Variants in SLC4A10 observed in about 807,000 individuals in gnomAD.
SLC4A10 encodes sodium-driven chloride bicarbonate exchanger.
In SLC4A10, 42 loss-of-function variants were observed where a neutral mutation model predicts 137.7. The ratio of observed to expected loss-of-function variants is 0.30; its 90% CI spans 0.24 to 0.39. The LOEUF (loss-of-function observed/expected upper bound fraction) is 0.39. SLC4A10 is among the 10% of genes least tolerant of loss of function. The pLI is 1.00. For synonymous variants in SLC4A10, 474 were observed against 464.1 expected, an observed-to-expected ratio of 1.02 and a Z score of -0.27; for missense variants, 925 against 1,355.0, an observed-to-expected ratio of 0.68 and a Z score of 4.98.
chr2:161,946,202 A>T (rs75998758), intron 16 of SLC4A10, among the ~76,000 whole-genome samples: 8,284 of 152,054 alleles, frequency 0.054, 501 homozygotes, highest in East Asian at 0.29. Context: ...TTGGAATTTA[A>T]CTTTGCCTAT....
chr2:161,873,471 C>T (rs896783615), intron 7 of SLC4A10, among the ~76,000 whole-genome samples: 7 of 129,018 alleles, frequency 5.4e-5, no homozygotes, highest in African/African-American at 2.1e-4. Flanking sequence ...GCAGAGATTG[C>T]AGTGAGCTGA....
chr2:161,694,062 C>T (rs2042255353), intron 1 of SLC4A10, among the ~76,000 whole-genome samples: 1 of 152,000 alleles, frequency 6.6e-6, no homozygotes, highest in Non-Finnish European at 1.5e-5. Context: ...TTCCAGATTA[C>T]AGCCCCTTTT....
Position 161,955,200 on chromosome 2 carries a change from A to C in SLC4A10, c.2542-1789A>C, listed in dbSNP as rs73003577. 4.2e-3 allele frequency among the ~76,000 whole-genome samples: 647 copies of C among 152,270 alleles called. 9 individuals carry two copies. Among genetic ancestry groups the C allele is most frequent in the African/African-American group, 0.015 (622 of 41,546 alleles). Reference sequence around the variant, plus strand: ...CACTCCAGAGTTGCTAGGACAAAACACTTCTCAAACTGCTTAAGACATTGT... The same window carrying C: ...CACTCCAGAGTTGCTAGGACAAAACCCTTCTCAAACTGCTTAAGACATTGT... On this transcript the variant is annotated intron_variant, in intron 19 of 26. Transcript: ENST00000446997.
intron 1 of SLC4A10, among the ~76,000 whole-genome samples, chr2:161,665,373 G>A (rs1382134369): frequency 6.6e-6 from 1 of 151,796 alleles, no homozygotes; most frequent in Non-Finnish European, 1.5e-5. Flanking sequence ...GGAGCCTGCT[G>A]TGATGTTCTG....
At chr2:161,644,044 A>C (rs1354890187) in intron 1 of SLC4A10, among the ~76,000 whole-genome samples, 1 of 144,672 alleles carries the variant, frequency 6.9e-6, no homozygotes, top group African/African-American at 2.5e-5. Context: ...ATACAAAGTC[A>C]CTTCTTTCCT....
intron 1 of SLC4A10, among the ~76,000 whole-genome samples, chr2:161,712,501 G>A (rs1451843424): frequency 1.3e-5 from 2 of 151,670 alleles, no homozygotes; most frequent in Non-Finnish European, 2.9e-5. Flanking sequence ...AAATTTTACC[G>A]AAAGTCAAAC....
At chr2:161,753,853 G>C (rs940195024) in intron 1 of SLC4A10, among the ~76,000 whole-genome samples, 2 of 128,052 alleles carry the variant, frequency 1.6e-5, no homozygotes, top group East Asian at 4.6e-4. Context: ...TAAATAACTC[G>C]AGTTATTTAT....
chr2:161,835,333 G>A (rs763779820), intron 3 of SLC4A10, among the ~76,000 whole-genome samples: 18 of 152,174 alleles, frequency 1.2e-4, no homozygotes, highest in South Asian at 4.1e-4. Context: ...CACTGCGCCC[G>A]GCCAAGACTG....
chr2:161,894,859 A>AC (rs1559481220), intron 11 of SLC4A10, 34 bp downstream of exon 11: 1 of 1,288,322 alleles, frequency 7.8e-7, no homozygotes, highest in Non-Finnish European at 1.0e-6. Context: ...TTGAAATTGA[A>AC]TTTTTTTTTG....
chr2:161,667,088 G>C (rs1313050110), intron 1 of SLC4A10, among the ~76,000 whole-genome samples: 1 of 151,554 alleles, frequency 6.6e-6, no homozygotes, highest in Non-Finnish European at 1.5e-5. Context: ...CGTGTAGTTG[G>C]TGTGTTCACC....
chr2:161,937,111 G>A (rs1051583985), intron 15 of SLC4A10, among the ~76,000 whole-genome samples: 7 of 152,182 alleles, frequency 4.6e-5, no homozygotes, highest in African/African-American at 1.7e-4. Flanking sequence ...TTGTTGAGGA[G>A]TATGTTGTTT....
chr2:161,635,375 A>G (rs773311331), intron 1 of SLC4A10, among the ~76,000 whole-genome samples: 4 of 152,098 alleles, frequency 2.6e-5, no homozygotes, highest in Non-Finnish European at 5.9e-5. Context: ...AACTTGCTCA[A>G]AACACTCTTA....
intron 1 of SLC4A10, among the ~76,000 whole-genome samples, chr2:161,768,936 T>A (rs2051225120): frequency 6.6e-6 from 1 of 151,938 alleles, no homozygotes; most frequent in South Asian, 2.1e-4. Flanking sequence ...AGGGTTCCTA[T>A]CACAAATTCG....
chr2:161,971,146 GATTA>G (rs1698452601), intron 23 of SLC4A10, among the ~76,000 whole-genome samples: 1 of 152,182 alleles, frequency 6.6e-6, no homozygotes, highest in African/African-American at 2.4e-5. Flanking sequence ...CCATTGAATG[GATTA>G]ATTAATAGCC....
intron 2 of SLC4A10, among the ~76,000 whole-genome samples, chr2:161,794,716 C>G (rs2054571595): frequency 1.3e-5 from 2 of 152,298 alleles, no homozygotes; most frequent in South Asian, 4.1e-4. Flanking sequence ...TAATAATCCT[C>G]CTGCTCTTCT....
intron 23 of SLC4A10, among the ~76,000 whole-genome samples, chr2:161,971,500 A>T (rs1353478027): frequency 6.6e-6 from 1 of 152,182 alleles, no homozygotes; most frequent in Non-Finnish European, 1.5e-5. Flanking sequence ...GGTCCTATGT[A>T]AATTAAGAGC....
intron 1 of SLC4A10, chr2:161,710,586 A>G: frequency 5.2e-6 from 2 of 388,114 alleles, no homozygotes; most frequent in Admixed American, 5.5e-5. Context: ...ATGTAGTTAA[A>G]TGCAATGTCA....
At chr2:161,893,257 C>T (rs182747832) in intron 10 of SLC4A10, among the ~76,000 whole-genome samples, 5 of 152,064 alleles carry the variant, frequency 3.3e-5, no homozygotes, top group Admixed American at 6.6e-5. Flanking sequence ...CACATGTGTG[C>T]GGAGGGGAGG....
At chr2:161,974,892 CCT>C (rs760123612) in intron 24 of SLC4A10, among the ~76,000 whole-genome samples, 3 of 151,876 alleles carry the variant, frequency 2.0e-5, no homozygotes, top group African/African-American at 4.8e-5. Context: ...AGAATTCTCC[CCT>C]CTCTCTCTCT....
Sources: gnomAD v4.1 joint callset for allele counts (sites outside exome capture counted in the v4.1 genomes callset) on GRCh38, gnomAD v4.1.1 for gene constraint, MANE v1.5 for transcripts, NCBI Gene and HGNC (gene_info 2026-07-23, HGNC 2026-07-21) for gene names.